FIGN: variants seen among roughly 807,000 people sequenced by gnomAD.
FIGN encodes the protein fidgetin, microtubule severing factor, also known as fidgetin.
In FIGN, 11 loss-of-function variants were observed where a neutral mutation model predicts 51.3. The observed-to-expected ratio is 0.21, with a 90% CI of 0.13 to 0.35. The LOEUF (loss-of-function observed/expected upper bound fraction) is 0.35, where lower values mean the gene tolerates loss of function less well. FIGN is among the 10% of genes least tolerant of loss of function. The probability of loss-of-function intolerance (pLI) is 1.00; values close to 1 mark genes in which losing one functional copy is unlikely to be tolerated. For synonymous variants in FIGN, 407 were observed against 363.2 expected (o/e 1.12, Z -1.37); for missense variants, 857 against 943.6 (o/e 0.91, Z 1.20).
At chr2:163,675,119 G>C (rs1683936053) in intron 2 of FIGN, among the ~76,000 whole-genome samples, 1 of 152,196 alleles carries the variant, frequency 6.6e-6, no homozygotes. Flanking sequence ...AGTTAACATA[G>C]TTTCTTCTTA....
At chr2:163,620,851 T>TTG (rs71015594) in intron 2 of FIGN, among the ~76,000 whole-genome samples, 14,060 of 147,478 alleles carry the variant, frequency 0.095, 991 homozygotes, top group East Asian at 0.29. Flanking sequence ...GTGTAAATAT[T>TTG]TGTGTGTGTG....
chr2:163,647,630 C>T (rs1683402485), intron 2 of FIGN, among the ~76,000 whole-genome samples: 1 of 152,164 alleles, frequency 6.6e-6, no homozygotes, highest in South Asian at 2.1e-4. Context: ...ACTCCCAGTT[C>T]TGTGTTTTTC....
chr2:163,711,644 T>C (rs1684589409), intron 2 of FIGN, among the ~76,000 whole-genome samples: 1 of 123,364 alleles, frequency 8.1e-6, no homozygotes. Flanking sequence ...TATGAATGTG[T>C]ATATTGTTTC....
chr2:163,611,478 A>C lies in FIGN; in HGVS notation c.354T>G (p.Val118=). Residue 118 remains valine (V), a synonymous_variant, in exon 3 of 3, where the codon GTT becomes GTG. Transcript: ENST00000333129. ...CATCCGGAACACAGTTCATGGGATAAACAGCTTCTGAATTCAAGGAAGGCT... is the reference window on the plus strand; with the variant it reads ...CATCCGGAACACAGTTCATGGGATACACAGCTTCTGAATTCAAGGAAGGCT... ...PWQPSLNSEA[V]YPMNCVPDVI... 6.2e-7 allele frequency: 1 copy of C among 1,614,194 alleles called. No individual in the cohort carries two copies. Among genetic ancestry groups the C allele is most frequent in the Non-Finnish European group, 8.5e-7 (1 of 1,180,022 alleles).
intron 2 of FIGN, among the ~76,000 whole-genome samples, chr2:163,720,229 G>T (rs186003768): frequency 6.6e-6 from 1 of 152,230 alleles, no homozygotes; most frequent in African/African-American, 2.4e-5. Context: ...TTGTAGGCTT[G>T]GTTCTGCAAT....
intron 2 of FIGN, among the ~76,000 whole-genome samples, chr2:163,628,290 T>C (rs886918065): frequency 5.3e-5 from 8 of 152,138 alleles, no homozygotes; most frequent in African/African-American, 1.7e-4. Context: ...ATCTTGGACA[T>C]TGAATAGAAC....
intron 2 of FIGN, among the ~76,000 whole-genome samples, chr2:163,697,749 G>A (rs1684345624): frequency 1.3e-5 from 2 of 152,062 alleles, no homozygotes; most frequent in South Asian, 4.1e-4. Context: ...TCTGAGCCTG[G>A]TTTTCTCGTG....
chr2:163,731,695 G>T (rs1403187155), intron 2 of FIGN, among the ~76,000 whole-genome samples: 1 of 147,096 alleles, frequency 6.8e-6, no homozygotes, highest in Non-Finnish European at 1.5e-5. Context: ...CCAGGAGAAA[G>T]AAAAATACTC....
Position 163,609,986 on chromosome 2 carries a change from C to G in FIGN, c.1846G>C (p.Val616Leu). Reference protein sequence around the residue: ...RTEFLMQLDTVLTSAEDQIVV... With the variant: ...RTEFLMQLDTLLTSAEDQIVV... ...ATTTGGTCCTCAGCCGAAGTTAGTACAGTGTCCAGTTGCATCAGAAATTCG... is the reference window on the plus strand; with the variant it reads ...ATTTGGTCCTCAGCCGAAGTTAGTAGAGTGTCCAGTTGCATCAGAAATTCG... Residue 616 changes from valine (V) to leucine (L), a missense_variant, in exon 3 of 3, where the codon GTA becomes CTA. Transcript: ENST00000333129. The G allele has an allele frequency of 6.2e-7, 1 of 1,614,094 alleles. No homozygotes were observed. The highest frequency in any genetic ancestry group is 1.1e-5 in the South Asian group (1 of 91,084).
At chr2:163,635,432 T>G (rs894764931) in intron 2 of FIGN, among the ~76,000 whole-genome samples, 2 of 152,140 alleles carry the variant, frequency 1.3e-5, no homozygotes, top group African/African-American at 4.8e-5. Context: ...TAGCCAGGTA[T>G]GGTGGCGCAT....
chr2:163,700,221 T>A (rs1684387458), intron 2 of FIGN, among the ~76,000 whole-genome samples: 1 of 152,112 alleles, frequency 6.6e-6, no homozygotes, highest in South Asian at 2.1e-4. Context: ...TGAAACAGAA[T>A]AAATTGAGAA....
rs55894952 is a variant in FIGN at position 163,658,364 on chromosome 2, GCTCTCTCTCTCTCTCTCT to G, written c.26-46576_26-46559del. On this transcript the variant is annotated intron_variant, in intron 2 of 2. Transcript: ENST00000333129. The stretch of plus-strand genomic sequence containing the variant: ...TATCAGCGAATCTTCTTAAGAAACA[GCTCTCTCTCTCTCTCTCT>G]CTCTCTCTCTCTCTCTCTCTCTCTC... Among the ~76,000 whole-genome samples, 960 of 137,688 alleles carry G rather than the reference GCTCTCTCTCTCTCTCTCT, an allele frequency of 7.0e-3. 10 individuals carry two copies. Among genetic ancestry groups the G allele is most frequent in the African/African-American group, 0.023 (823 of 36,084 alleles). The allele number at this position is 137,688 out of a possible 152,430, so 90.3% of individuals were successfully genotyped here. A position where few individuals can be genotyped will look rare whatever the true frequency, so the allele number is the denominator to read the frequency against.
intron 2 of FIGN, among the ~76,000 whole-genome samples, chr2:163,619,082 T>G (rs954078642): frequency 3.3e-5 from 5 of 152,154 alleles, no homozygotes; most frequent in African/African-American, 9.7e-5. Flanking sequence ...GCTGTTTCAG[T>G]GTTCCCCCTT....
chr2:163,644,590 T>A (rs1234787076), intron 2 of FIGN, among the ~76,000 whole-genome samples: 1 of 151,982 alleles, frequency 6.6e-6, no homozygotes, highest in African/African-American at 2.4e-5. Context: ...GATATACCCA[T>A]GAAAAATGGA....
At chr2:163,627,010 G>T (rs1307415289) in intron 2 of FIGN, among the ~76,000 whole-genome samples, 1 of 152,080 alleles carries the variant, frequency 6.6e-6, no homozygotes, top group East Asian at 1.9e-4. Context: ...TCCAGAAACT[G>T]CCCACCCTTT....
At chr2:163,683,898 T>A (rs1175495184) in intron 2 of FIGN, among the ~76,000 whole-genome samples, 1 of 152,158 alleles carries the variant, frequency 6.6e-6, no homozygotes, top group African/African-American at 2.4e-5. Context: ...TTTTTTTTCA[T>A]ACTCTGCTTA....
rs541521899 is a variant in FIGN at position 163,621,254 on chromosome 2, A to C, written c.26-9448T>G. ...CTAAAGTATGCAAAGCCCAGACAAA[A>C]TTTGTTTGGGTTATTTATGCATTTT... On this transcript the variant is annotated intron_variant, in intron 2 of 2. Transcript: ENST00000333129. 2.0e-5 allele frequency among the ~76,000 whole-genome samples: 3 copies of C among 152,104 alleles called. No individual in the cohort carries two copies. In the East Asian group the frequency reaches 5.8e-4, roughly 29 times the overall value.
intron 2 of FIGN, among the ~76,000 whole-genome samples, chr2:163,733,098 T>C (rs1460670): frequency 0.67 from 102,601 of 152,038 alleles, 36,883 homozygotes; most frequent in Admixed American, 0.82. Flanking sequence ...ACTTTATATA[T>C]ATGTATGTAA....
At chr2:163,612,716 G>T in intron 2 of FIGN, 1 of 383,748 alleles carries the variant, frequency 2.6e-6, no homozygotes, top group Non-Finnish European at 3.6e-6. Context: ...GTGTGTGTGT[G>T]TGTATTTATA....
Sources: gnomAD v4.1 joint callset for allele counts (sites outside exome capture counted in the v4.1 genomes callset) on GRCh38, gnomAD v4.1.1 for gene constraint, MANE v1.5 for transcripts, NCBI Gene and HGNC (gene_info 2026-07-23, HGNC 2026-07-21) for gene names.